TRIM71: variants seen among roughly 807,000 people sequenced by gnomAD.
TRIM71 encodes the protein E3 ubiquitin-protein ligase TRIM71.
In TRIM71, 9 loss-of-function variants were observed where a neutral mutation model predicts 61.2. That is an observed-to-expected ratio of 0.15 (90% CI 0.09 to 0.26). The LOEUF is 0.26. Among genes scored for constraint, TRIM71 ranks in the 10% least tolerant of loss-of-function variants. The probability of loss-of-function intolerance (pLI) is 1.00; values close to 1 mark genes in which losing one functional copy is unlikely to be tolerated. For missense variants in TRIM71, 998 were observed against 1,238.7 expected, an observed-to-expected ratio of 0.81 and a Z score of 2.92; for synonymous variants, 645 against 553.2, an observed-to-expected ratio of 1.17 and a Z score of -2.33.
chr3:32,867,834 T>G lies in TRIM71; in HGVS notation c.853-5984T>G, dbSNP rs145933347. The stretch of plus-strand genomic sequence containing the variant: ...GCCAAATAGTATATGGAACAACTTT[T>G]GTTTTCCAGAGCATCGTCTTGGATG... On this transcript the variant is annotated intron_variant, in intron 1 of 3. Coordinates refer to ENST00000383763, the MANE Select transcript of TRIM71 (RefSeq NM_001039111.3). Among the ~76,000 whole-genome samples the G allele has an allele frequency of 2.3e-3, 357 of 152,294 alleles. 1 individual carries two copies. The highest frequency in any genetic ancestry group is 7.7e-3 in the African/African-American group (318 of 41,552).
intron 1 of TRIM71, among the ~76,000 whole-genome samples, chr3:32,826,604 T>TTTTTTTGAGAGGGA (rs1696205683): frequency 6.8e-6 from 1 of 147,698 alleles, no homozygotes; most frequent in Non-Finnish European, 1.5e-5. Context: ...TTTTTTTTTT[T>TTTTTTTGAGAGGGA]GAGAGGGAGC....
intron 1 of TRIM71, among the ~76,000 whole-genome samples, chr3:32,867,490 T>C (rs1696751293): frequency 6.6e-6 from 1 of 152,178 alleles, no homozygotes; most frequent in South Asian, 2.1e-4. Flanking sequence ...TCGGGCTCTG[T>C]GGCCTAGGCT....
At chr3:32,854,857 C>T (rs1696578200) in intron 1 of TRIM71, among the ~76,000 whole-genome samples, 1 of 152,182 alleles carries the variant, frequency 6.6e-6, no homozygotes, top group African/African-American at 2.4e-5. Context: ...TGGAATGAAG[C>T]AGTGAACAAG....
At chr3:32,845,966 C>T (rs1374937437) in intron 1 of TRIM71, among the ~76,000 whole-genome samples, 1 of 149,938 alleles carries the variant, frequency 6.7e-6, no homozygotes. Context: ...GGTGATCCAC[C>T]TGGCAGTTTG....
At chr3:32,867,895 T>C (rs1242076825) in intron 1 of TRIM71, among the ~76,000 whole-genome samples, 1 of 152,012 alleles carries the variant, frequency 6.6e-6, no homozygotes, top group Non-Finnish European at 1.5e-5. Context: ...GGCCTCAGGG[T>C]GTGTGTGTTA....
At chr3:32,856,617 C>A (rs542134800) in intron 1 of TRIM71, among the ~76,000 whole-genome samples, 2 of 152,196 alleles carry the variant, frequency 1.3e-5, no homozygotes, top group Non-Finnish European at 2.9e-5. Flanking sequence ...TCACTGGCCT[C>A]CTGCAGAGGA....
At chr3:32,819,542 G>A (rs1696104516) in intron 1 of TRIM71, among the ~76,000 whole-genome samples, 1 of 152,158 alleles carries the variant, frequency 6.6e-6, no homozygotes, top group Non-Finnish European at 1.5e-5. Flanking sequence ...GAGTGGGAGC[G>A]TCTGTGGATC....
intron 1 of TRIM71, among the ~76,000 whole-genome samples, chr3:32,861,171 ATAAAG>A (rs1559544995): frequency 6.6e-6 from 1 of 151,824 alleles, no homozygotes; most frequent in African/African-American, 2.4e-5. Context: ...TCTCAATAAA[ATAAAG>A]TAAATAATCT....
intron 1 of TRIM71, among the ~76,000 whole-genome samples, chr3:32,841,518 A>G (rs1242876443): frequency 6.6e-6 from 1 of 150,920 alleles, no homozygotes; most frequent in South Asian, 2.1e-4. Flanking sequence ...CAAAAAAAAT[A>G]CAAAAGTTAG....
At chr3:32,874,286 C>T (rs1488470696) in intron 2 of TRIM71, among the ~76,000 whole-genome samples, 1 of 152,092 alleles carries the variant, frequency 6.6e-6, no homozygotes, top group African/African-American at 2.4e-5. Flanking sequence ...TGGCACTTTC[C>T]AGCCAGGACT....
At chr3:32,861,487 C>T (rs1696667702) in intron 1 of TRIM71, among the ~76,000 whole-genome samples, 1 of 151,676 alleles carries the variant, frequency 6.6e-6, no homozygotes, top group African/African-American at 2.4e-5. Flanking sequence ...AATCCAAACA[C>T]CTCGGCAGGC....
chr3:32,826,070 A>G (rs1054732960), intron 1 of TRIM71, among the ~76,000 whole-genome samples: 1 of 152,168 alleles, frequency 6.6e-6, no homozygotes, highest in Non-Finnish European at 1.5e-5. Context: ...CTCCCATGCC[A>G]TCTCTTGCCT....
intron 1 of TRIM71, among the ~76,000 whole-genome samples, chr3:32,822,821 T>C (rs1479875821): frequency 1.3e-5 from 2 of 152,208 alleles, no homozygotes; most frequent in East Asian, 1.9e-4. Flanking sequence ...TTTCCGTCTT[T>C]AGAGGCGATC....
intron 1 of TRIM71, among the ~76,000 whole-genome samples, chr3:32,867,540 T>C (rs1375797494): frequency 6.6e-6 from 1 of 152,114 alleles, no homozygotes; most frequent in African/African-American, 2.4e-5. Context: ...ATAGCCTTCA[T>C]CTCCTGTGCT....
In TRIM71 at chr3:32,890,868, A is replaced by C; in HGVS notation, c.1664A>C (p.Gln555Pro). 1 of 1,614,212 alleles carries C rather than the reference A, an allele frequency of 6.2e-7. No individual in the cohort carries two copies. Among genetic ancestry groups the C allele is most frequent in the South Asian group, 1.1e-5 (1 of 91,088 alleles). ...NGTYVVSYRP[Q>P]LEGEHLVSVT... is the part of the protein sequence containing the mutation. ...ACATACGTGGTGAGTTACCGACCCC[A>C]GCTGGAGGGTGAGCACCTGGTATCT... The change falls in exon 4 of 4, where the codon CAG becomes CCG. Residue 555 changes from glutamine (Q) to proline (P), a missense_variant. Physicochemically the swap from Gln to Pro is moderately conservative, Grantham distance 76. This residue lies in a region of TRIM71 where 291 missense variants were observed against 431.2 expected (regional missense o/e 0.67). Transcript: ENST00000383763. The surrounding 1 kb of genome is among the most constrained non-coding windows in gnomAD (Gnocchi z 6.2).
At chr3:32,832,912 C>T (rs1234012014) in intron 1 of TRIM71, among the ~76,000 whole-genome samples, 6 of 152,014 alleles carry the variant, frequency 3.9e-5, no homozygotes, top group Admixed American at 6.6e-5. Flanking sequence ...CGGTGGCTCA[C>T]GCCTTAATCC....
intron 1 of TRIM71, among the ~76,000 whole-genome samples, chr3:32,845,848 G>T (rs906447319): frequency 6.6e-6 from 1 of 151,544 alleles, no homozygotes; most frequent in African/African-American, 2.4e-5. Context: ...AGCCTCCCGA[G>T]TAGCTGGGAT....
chr3:32,888,433 CCAAAAAAAAAAAA>C (rs1696983446), intron 3 of TRIM71, among the ~76,000 whole-genome samples: 1 of 48,452 alleles, frequency 2.1e-5, no homozygotes, highest in African/African-American at 8.0e-5. Flanking sequence ...CCCATCTCTA[CCAAAAAAAAAAAA>C]AAAAAAAAAA....
intron 1 of TRIM71, among the ~76,000 whole-genome samples, chr3:32,846,211 G>A (rs1419273625): frequency 6.6e-6 from 1 of 151,708 alleles, no homozygotes; most frequent in African/African-American, 2.4e-5. Flanking sequence ...GAGTAGCTGG[G>A]ACTACAGGCG....
Sources: allele counts gnomAD v4.1 joint callset (sites outside exome capture counted in the v4.1 genomes callset), GRCh38; gene constraint gnomAD v4.1.1; regional missense constraint gnomAD v4.1.1; non-coding constraint Gnocchi (gnomAD v3.1); transcripts MANE v1.5; gene names NCBI Gene and HGNC (gene_info 2026-07-23, HGNC 2026-07-21).